Variants in ANKRD16 observed in about 807,000 individuals in gnomAD.
ANKRD16 encodes the protein ankyrin repeat domain 16, also known as ankyrin repeat domain-containing protein 16.
ANKRD16 carries 35 observed loss-of-function variants against 37.9 expected under a neutral mutation model. The observed-to-expected ratio is 0.92, with a 90% CI of 0.71 to 1.23. ANKRD16 has a LOEUF of 1.23. Ranked by LOEUF, ANKRD16 falls within the 50% of genes most tolerant of loss-of-function variation. The pLI is 0.00. For missense variants in ANKRD16, 480 were observed against 469.9 expected, an observed-to-expected ratio of 1.02 and a Z score of -0.20; for synonymous variants, 206 against 197.2, an observed-to-expected ratio of 1.04 and a Z score of -0.37.
Position 5,871,780 on chromosome 10 carries a change from C to A in ANKRD16, c.*33+6317G>T, listed in dbSNP as rs1842093949. On this transcript the variant is annotated intron_variant, in intron 7 of 7. Coordinates refer to ENST00000380094, the MANE Select transcript of ANKRD16 (RefSeq NM_019046.3). The surrounding 1 kb of genome is among the most constrained non-coding windows in gnomAD (Gnocchi z 4.5). ...ACCGCTGGCTTCCTCCCTCTGTGGG[C>A]TCCTTTCCCAGTCTGTAAACATGCC... Among the ~76,000 whole-genome samples, 1 of 152,216 alleles carries A rather than the reference C, an allele frequency of 6.6e-6. No homozygotes were observed. Among genetic ancestry groups the A allele is most frequent in the Non-Finnish European group, 1.5e-5 (1 of 68,032 alleles).
rs1219377719 is a variant in ANKRD16, at chr10:5,874,461, GGA to G, written c.*33+3634_*33+3635del. Among the ~76,000 whole-genome samples the G allele has an allele frequency of 6.6e-6, 1 of 152,196 alleles. No homozygotes were observed. Among genetic ancestry groups the G allele is most frequent in the African/African-American group, 2.4e-5 (1 of 41,444 alleles). On this transcript the variant is annotated intron_variant, in intron 7 of 7. Coordinates refer to ENST00000380094, the MANE Select transcript of ANKRD16 (RefSeq NM_019046.3). This position sits in a 1 kb window ranked among gnomAD's most constrained non-coding sequence, Gnocchi z 4.7. ...AAGACATGGCTGCCACTCTCTAGGA[GGA>G]GAGTGAGAGAGCTTGGGCAGGAGTC... is the stretch of plus-strand genomic sequence containing the variant.
Position 5,889,028 on chromosome 10 carries a change from GCTCCACACCTACCAGTCGGCCTT to G in ANKRD16, c.304_314+12del, listed in dbSNP as rs1842523876. On this transcript the variant is annotated splice_donor_variant and splice_donor_5th_base_variant and coding_sequence_variant and intron_variant, in exon 1 of 8. Transcript: ENST00000380094. LOFTEE classifies it high-confidence loss of function. The stretch of plus-strand genomic sequence containing the variant: ...TAGAGGGGAGGCGGGGTGTCTTTCC[GCTCCACACCTACCAGTCGGCCTT>G]CTTCAGGCAGTCGACCGCTGCCCCC... 1 of 1,508,138 alleles carries G rather than the reference GCTCCACACCTACCAGTCGGCCTT, an allele frequency of 6.6e-7. No individual in the cohort carries two copies. Among genetic ancestry groups the G allele is most frequent in the African/African-American group, 1.4e-5 (1 of 70,960 alleles). The allele number at this position is 1,508,138 out of a possible 1,614,324, so 93.4% of individuals were successfully genotyped here. A position where few individuals can be genotyped will look rare whatever the true frequency, so the allele number is the denominator to read the frequency against.
At chr10:5,885,789 A>C in intron 2 of ANKRD16, 24 bp from the exon 3 acceptor site, 1 of 1,596,960 alleles carries the variant, frequency 6.3e-7, no homozygotes, top group Non-Finnish European at 8.5e-7. Context: ...GAAAGCTGAG[A>C]ATTAGAGCTT....
chr10:5,887,027 A>C (rs1277052736), intron 2 of ANKRD16, among the ~76,000 whole-genome samples: 1 of 152,228 alleles, frequency 6.6e-6, no homozygotes, highest in Admixed American at 6.5e-5. Context: ...CCTGCCTTTA[A>C]GAGTAAGAAT....
In ANKRD16 at chr10:5,878,673, C is replaced by T. The variant is rs182717376; in HGVS notation, c.929-386G>A. Among the ~76,000 whole-genome samples, 116 of 151,934 alleles carry T rather than the reference C, an allele frequency of 7.6e-4. 1 individual carries two copies. Among genetic ancestry groups the T allele is most frequent in the South Asian group, 6.2e-4 (3 of 4,810 alleles). ...ATTAGCCGGGCGTGGTGGTGCATGC[C>T]TGTAATCCCAGCTACTCGGGAGGCT... On this transcript the variant is annotated intron_variant, in intron 6 of 7. Coordinates refer to ENST00000380094, the MANE Select transcript of ANKRD16 (RefSeq NM_019046.3). This position sits in a 1 kb window ranked among gnomAD's most constrained non-coding sequence, Gnocchi z 5.1.
intron 5 of ANKRD16, among the ~76,000 whole-genome samples, chr10:5,882,175 G>A (rs950960786): frequency 2.0e-5 from 3 of 152,124 alleles, no homozygotes; most frequent in East Asian, 3.9e-4. Context: ...AGCACCCTGC[G>A]GCCACAGAGC....
chr10:5,887,260 A>G (rs1238070737), intron 2 of ANKRD16, among the ~76,000 whole-genome samples: 3 of 152,244 alleles, frequency 2.0e-5, no homozygotes, highest in African/African-American at 7.2e-5. Context: ...CTCATGGGCA[A>G]ATAATCTAGG....
rs1189580882 is a variant in ANKRD16, at chr10:5,881,154, TTAAA to T, written c.850-782_850-779del. The T allele has an allele frequency of 2.2e-5, 18 of 806,002 alleles. No homozygotes were observed. The Admixed American group carries it at 2.5e-4, about 11-fold the overall frequency. The allele number at this position is 806,002 out of a possible 1,614,324, so 49.9% of individuals were successfully genotyped here. A position where few individuals can be genotyped will look rare whatever the true frequency, so the allele number is the denominator to read the frequency against. The stretch of plus-strand genomic sequence containing the variant: ...TCATTCTCAATTCTAATATAAATCA[TTAAA>T]TAAATATTTTGGTGACATTTAATTA... On this transcript the variant is annotated intron_variant, in intron 5 of 7. Transcript: ENST00000380094.
chr10:5,872,772 G>A (rs949303047), intron 7 of ANKRD16, among the ~76,000 whole-genome samples: 5 of 152,020 alleles, frequency 3.3e-5, no homozygotes, highest in South Asian at 2.1e-4. Flanking sequence ...TAGCCAAGAT[G>A]GTCTTAATTT....
chr10:5,885,817 A>G (rs757999976), intron 2 of ANKRD16, 52 bp from the exon 3 acceptor site: 44 of 1,558,746 alleles, frequency 2.8e-5, no homozygotes, highest in Middle Eastern at 1.7e-4. Flanking sequence ...CACACACAAA[A>G]TGCTTCCTGC....
At chr10:5,879,989 T>C (rs888630694) in intron 6 of ANKRD16, among the ~76,000 whole-genome samples, 1 of 151,922 alleles carries the variant, frequency 6.6e-6, no homozygotes, top group East Asian at 1.9e-4. Context: ...GGAAACCCCA[T>C]CTGTACTAAA....
chr10:5,888,986 C>A (rs970409732), intron 1 of ANKRD16, 55 bp downstream of exon 1: 13 of 1,462,332 alleles, frequency 8.9e-6, no homozygotes, highest in Non-Finnish European at 1.2e-5. Flanking sequence ...ACAGGGAACT[C>A]GCTACGACTC....
At chr10:5,888,891 G>A in intron 1 of ANKRD16, 150 bp downstream of exon 1, 1 of 781,304 alleles carries the variant, frequency 1.3e-6, no homozygotes, top group Non-Finnish European at 1.9e-6. Flanking sequence ...AGGGAAAGTT[G>A]GGCAGGAGGT....
At position 5,868,145 on chromosome 10, in the gene ANKRD16, C is replaced by T. The variant is rs921303424; in HGVS notation, c.*34-5454G>A. Among the ~76,000 whole-genome samples the T allele has an allele frequency of 6.6e-6, 1 of 152,132 alleles. No individual in the cohort carries two copies. The highest frequency in any genetic ancestry group is 2.4e-5 in the African/African-American group (1 of 41,414). ...CACCTTTGGGCCCTGTATTTTTAAC[C>T]TCTTTGTCAAATTTGTTTCCTCTAG... is the stretch of plus-strand genomic sequence containing the variant. On this transcript the variant is annotated intron_variant, in intron 7 of 7. Coordinates refer to ENST00000380094, the MANE Select transcript of ANKRD16 (RefSeq NM_019046.3). This position sits in a 1 kb window ranked among gnomAD's most constrained non-coding sequence, Gnocchi z 4.9.
chr10:5,889,033 A>G lies in ANKRD16; in HGVS notation c.314+8T>C. 1 of 1,522,326 alleles carries G rather than the reference A, an allele frequency of 6.6e-7. No individual in the cohort carries two copies. Among genetic ancestry groups the G allele is most frequent in the East Asian group, 2.3e-5 (1 of 42,606 alleles). 94.3% of individuals were successfully genotyped at this position (1,522,326 alleles called of 1,614,324 possible). On this transcript the variant is annotated splice_region_variant and intron_variant, in intron 1 of 7. Coordinates refer to ENST00000380094, the MANE Select transcript of ANKRD16 (RefSeq NM_019046.3). ...GGGAGGCGGGGTGTCTTTCCGCTCCACACCTACCAGTCGGCCTTCTTCAGG... is the reference window on the plus strand; with the variant it reads ...GGGAGGCGGGGTGTCTTTCCGCTCCGCACCTACCAGTCGGCCTTCTTCAGG...
rs187318065 is a variant in ANKRD16 at position 5,862,338 on chromosome 10, G to A, written c.*387C>T. The A allele has an allele frequency of 2.3e-5, 10 of 426,184 alleles. No individual in the cohort carries two copies. Among genetic ancestry groups the A allele is most frequent in the African/African-American group, 1.9e-4 (9 of 48,280 alleles). The allele number at this position is 426,184 out of a possible 1,614,324, so 26.4% of individuals were successfully genotyped here. A position where few individuals can be genotyped will look rare whatever the true frequency, so the allele number is the denominator to read the frequency against. On this transcript the variant is annotated 3_prime_UTR_variant, in exon 8 of 8. Transcript: ENST00000380094. This position sits in a 1 kb window ranked among gnomAD's most constrained non-coding sequence, Gnocchi z 6.5. ...GTTTTTGTGTTTCTTTCTTTCTGTC[G>A]GTGGTTCCTGAGGGTTGTGACGATC...
At position 5,870,981 on chromosome 10, in the gene ANKRD16, G is replaced by T. The variant is rs561862927; in HGVS notation, c.*33+7116C>A. Among the ~76,000 whole-genome samples, 12 of 152,302 alleles carry T rather than the reference G, an allele frequency of 7.9e-5. No homozygotes were observed. The highest frequency in any genetic ancestry group is 2.6e-4 in the Admixed American group (4 of 15,296). On this transcript the variant is annotated intron_variant, in intron 7 of 7. Transcript: ENST00000380094. This position sits in a 1 kb window ranked among gnomAD's most constrained non-coding sequence, Gnocchi z 5.0. ...TTTTCAGCATGGTAGGAGGAGGCAG[G>T]TTCTGCAAATGCTGCAGGGTGGGTT...
chr10:5,881,438 TTATATATATATATATATATATA>T (rs869185709), intron 5 of ANKRD16, among the ~76,000 whole-genome samples: 7 of 51,026 alleles, frequency 1.4e-4, no homozygotes, highest in South Asian at 6.2e-4. Flanking sequence ...AAAATATTAT[TTATATATATATATATATATATA>T]TATATATATA....
chr10:5,882,968 T>G, intron 5 of ANKRD16, 38 bp downstream of exon 5: 1 of 1,602,066 alleles, frequency 6.2e-7, no homozygotes, highest in Non-Finnish European at 8.5e-7. Context: ...AAGGCAAGCC[T>G]CAGGGAAGCT....
Sources: allele counts gnomAD v4.1 joint callset (sites outside exome capture counted in the v4.1 genomes callset), GRCh38; gene constraint gnomAD v4.1.1; non-coding constraint Gnocchi (gnomAD v3.1); transcripts MANE v1.5; gene names NCBI Gene and HGNC (gene_info 2026-07-23, HGNC 2026-07-21).